The following FNDC3B variants were observed in gnomAD, a reference collection of about 807,000 sequenced individuals.
FNDC3B encodes fibronectin type III domain-containing protein 3B.
In FNDC3B, 12 loss-of-function variants were observed where a neutral mutation model predicts 151.5. The observed-to-expected ratio is 0.08, with a 90% CI of 0.05 to 0.13. FNDC3B has a LOEUF of 0.13. Among genes scored for constraint, FNDC3B ranks in the 10% least tolerant of loss-of-function variants. FNDC3B has a pLI of 1.00. For synonymous variants in FNDC3B, 528 were observed against 549.0 expected, an observed-to-expected ratio of 0.96 and a Z score of 0.54; for missense variants, 1,214 against 1,505.3, an observed-to-expected ratio of 0.81 and a Z score of 3.20.
chr3:172,103,286 T>C (rs1381495252), intron 1 of FNDC3B, among the ~76,000 whole-genome samples: 1 of 152,210 alleles, frequency 6.6e-6, no homozygotes, highest in Non-Finnish European at 1.5e-5. Flanking sequence ...ATGTAATTTT[T>C]TTCCATTTAG....
intron 21 of FNDC3B, among the ~76,000 whole-genome samples, chr3:172,349,814 CCTGA>C (rs1733775970): frequency 1.3e-5 from 2 of 152,168 alleles, no homozygotes; most frequent in East Asian, 1.9e-4. Context: ...TGCCACCACG[CCTGA>C]CTAATTTTTG....
At chr3:172,359,979 G>A (rs1244325251) in intron 22 of FNDC3B, among the ~76,000 whole-genome samples, 1 of 152,138 alleles carries the variant, frequency 6.6e-6, no homozygotes, top group Non-Finnish European at 1.5e-5. Flanking sequence ...GCAGGTTTTT[G>A]TGTGAACATA....
At chr3:172,135,001 A>AG (rs1721292327) in intron 3 of FNDC3B, among the ~76,000 whole-genome samples, 1 of 152,142 alleles carries the variant, frequency 6.6e-6, no homozygotes. Flanking sequence ...AAAAAAAAAA[A>AG]AAATCACACT....
At chr3:172,228,486 T>C (rs1726708380) in intron 4 of FNDC3B, among the ~76,000 whole-genome samples, 1 of 152,226 alleles carries the variant, frequency 6.6e-6, no homozygotes, top group Non-Finnish European at 1.5e-5. Flanking sequence ...TTCTTACTAG[T>C]ATTATTGCTG....
chr3:172,286,002 C>A lies in FNDC3B; in HGVS notation c.849+18C>A, dbSNP rs774783123. 2.5e-6 allele frequency: 4 copies of A among 1,583,964 alleles called. No individual in the cohort carries two copies. The highest frequency in any genetic ancestry group is 3.5e-6 in the Non-Finnish European group (4 of 1,158,296). On this transcript the variant is annotated intron_variant, in intron 7 of 25. Coordinates refer to ENST00000415807, the MANE Select transcript of FNDC3B (RefSeq NM_022763.4). ...AACCACAGGTATGTCTTCTGGATTT[C>A]TCAGCATAAATGACACTTTTTAAAG... is the stretch of plus-strand genomic sequence containing the variant.
At chr3:172,087,445 T>A (rs916058971) in intron 1 of FNDC3B, among the ~76,000 whole-genome samples, 65 of 152,196 alleles carry the variant, frequency 4.3e-4, no homozygotes, top group Admixed American at 9.2e-4. Context: ...TGAGTGCATA[T>A]GTGTGTGGGC....
chr3:172,374,939 A>AT (rs532475127), intron 23 of FNDC3B, among the ~76,000 whole-genome samples: 4 of 152,158 alleles, frequency 2.6e-5, no homozygotes, highest in African/African-American at 7.2e-5. Context: ...TATTTAATGA[A>AT]TTTTTTTGTT....
chr3:172,262,365 C>T (rs1172181064), intron 6 of FNDC3B, among the ~76,000 whole-genome samples: 3 of 152,160 alleles, frequency 2.0e-5, no homozygotes, highest in Non-Finnish European at 2.9e-5. Flanking sequence ...CTACTCTTTT[C>T]CTATTTGGAG....
chr3:172,358,954 T>TTGG (rs60325692), intron 22 of FNDC3B, among the ~76,000 whole-genome samples: 2,710 of 80,540 alleles, frequency 0.034, 89 homozygotes, highest in East Asian at 0.081. Context: ...CACAGTTTTC[T>TTGG]TGGTGGTGGT....
chr3:172,342,081 T>A (rs1733352520), intron 17 of FNDC3B, among the ~76,000 whole-genome samples: 1 of 152,218 alleles, frequency 6.6e-6, no homozygotes, highest in Non-Finnish European at 1.5e-5. Context: ...TGGGTTGACT[T>A]TTCAAGAGAA....
intron 3 of FNDC3B, among the ~76,000 whole-genome samples, chr3:172,192,596 A>G (rs1414539409): frequency 5.9e-5 from 9 of 152,180 alleles, no homozygotes; most frequent in Admixed American, 5.9e-4. Flanking sequence ...AGCAGAGGCC[A>G]GGAACTGTTT....
At chr3:172,235,164 A>G (rs1158351679) in intron 4 of FNDC3B, among the ~76,000 whole-genome samples, 1 of 152,182 alleles carries the variant, frequency 6.6e-6, no homozygotes, top group East Asian at 1.9e-4. Context: ...AATAACATCT[A>G]GCATCAGATC....
chr3:172,181,395 C>CA (rs755223783), intron 3 of FNDC3B, among the ~76,000 whole-genome samples: 41,692 of 71,490 alleles, frequency 0.58, 13,316 homozygotes, highest in Non-Finnish European at 0.62. Flanking sequence ...ACTCTGTCTC[C>CA]AAAAAAAAAA....
chr3:172,191,225 G>A (rs572534010), intron 3 of FNDC3B, among the ~76,000 whole-genome samples: 2 of 152,228 alleles, frequency 1.3e-5, no homozygotes, highest in South Asian at 4.1e-4. Context: ...GAGTTTTTGT[G>A]CACGTGCTCA....
At chr3:172,288,181 C>G (rs140472524) in intron 7 of FNDC3B, among the ~76,000 whole-genome samples, 16 of 152,348 alleles carry the variant, frequency 1.1e-4, no homozygotes, top group African/African-American at 3.8e-4. Context: ...TCTAATCTAC[C>G]AGATACTTCT....
At chr3:172,057,008 A>G (rs1272747227) in intron 1 of FNDC3B, among the ~76,000 whole-genome samples, 2 of 152,212 alleles carry the variant, frequency 1.3e-5, no homozygotes, top group African/African-American at 4.8e-5. Flanking sequence ...TAGTTACTGC[A>G]AGTGCTACTT....
intron 4 of FNDC3B, among the ~76,000 whole-genome samples, chr3:172,239,239 T>A (rs908911140): frequency 6.6e-6 from 1 of 152,142 alleles, no homozygotes; most frequent in African/African-American, 2.4e-5. Flanking sequence ...ACCAGCCTGC[T>A]TGGGAGAATC....
intron 3 of FNDC3B, among the ~76,000 whole-genome samples, chr3:172,193,608 A>G (rs1055021773): frequency 7.3e-5 from 11 of 151,348 alleles, no homozygotes; most frequent in African/African-American, 2.2e-4. Flanking sequence ...CACCTCTGCC[A>G]TCCCCACTAC....
At chr3:172,133,162 T>C (rs1397723705) in intron 2 of FNDC3B, among the ~76,000 whole-genome samples, 5 of 152,248 alleles carry the variant, frequency 3.3e-5, no homozygotes, top group African/African-American at 1.2e-4. Context: ...TTTTTTCTTC[T>C]GTAATTGTAG....
Sources: allele counts gnomAD v4.1 joint callset (sites outside exome capture counted in the v4.1 genomes callset), GRCh38; gene constraint gnomAD v4.1.1; transcripts MANE v1.5; gene names NCBI Gene and HGNC (gene_info 2026-07-23, HGNC 2026-07-21).